The following THOC1 variants were observed in gnomAD, a reference collection of about 807,000 sequenced individuals.
The protein encoded by THOC1 is THO complex 1.
A neutral mutation model predicts 97.3 loss-of-function variants in THOC1; 29 were observed. That is an observed-to-expected ratio of 0.30 (90% CI 0.22 to 0.41). THOC1 has a LOEUF of 0.41. Ranked by LOEUF, THOC1 falls within the 10% of genes least tolerant of loss-of-function variation. The pLI, the probability that THOC1 is intolerant of heterozygous loss-of-function variation, is 1.00. For missense variants in THOC1, 529 were observed against 761.9 expected, an observed-to-expected ratio of 0.69 and a Z score of 3.60; for synonymous variants, 255 against 257.0, an observed-to-expected ratio of 0.99 and a Z score of 0.07.
At chr18:257,980 A>G (rs1236550567) in intron 7 of THOC1, among the ~76,000 whole-genome samples, 12 of 152,182 alleles carry the variant, frequency 7.9e-5, no homozygotes, top group Non-Finnish European at 7.4e-5. Flanking sequence ...TTTACAAACT[A>G]GATGGAAGAA....
chr18:228,845 C>T (rs1476247920), intron 11 of THOC1, among the ~76,000 whole-genome samples: 1 of 152,208 alleles, frequency 6.6e-6, no homozygotes, highest in African/African-American at 2.4e-5. Context: ...TTGTCACCAC[C>T]TTAAACATCT....
chr18:246,318 T>G lies in THOC1; in HGVS notation c.918+6A>C. 1 of 1,538,690 alleles carries G rather than the reference T, an allele frequency of 6.5e-7. No individual in the cohort carries two copies. The highest frequency in any genetic ancestry group is 8.9e-7 in the Non-Finnish European group (1 of 1,127,276). The stretch of plus-strand genomic sequence containing the variant: ...ATTATGCTTAATGAAAAAGAAAAAC[T>G]TATACCTTTTCACTTGTTAAAAATT... On this transcript the variant is annotated splice_donor_region_variant and intron_variant, in intron 11 of 20. Transcript: ENST00000261600.
chr18:240,375 G>T (rs890009172), intron 11 of THOC1, among the ~76,000 whole-genome samples: 1 of 152,146 alleles, frequency 6.6e-6, no homozygotes, highest in East Asian at 1.9e-4. Flanking sequence ...ACACACAGAG[G>T]TTATTCTAAA....
chr18:259,039 T>C (rs552676570), intron 7 of THOC1, 141 bp downstream of exon 7: 1 of 637,638 alleles, frequency 1.6e-6, no homozygotes, highest in South Asian at 2.1e-5. Flanking sequence ...CATTTATAAG[T>C]AAAAGAAAAT....
rs532161287 is a variant in THOC1 at position 255,535 on chromosome 18, G to A, written c.521-1180C>T. Among the ~76,000 whole-genome samples, 32 of 152,312 alleles carry A rather than the reference G, an allele frequency of 2.1e-4. 1 individual carries two copies. In the South Asian group the frequency reaches 5.2e-3, roughly 25 times the overall value. ...TGAGGACACCACAGAAGACAAGTAC[G>A]AAGCTAGCAGAAGTTGGTTTACGAG... On this transcript the variant is annotated intron_variant, in intron 7 of 20. Coordinates refer to ENST00000261600, the MANE Select transcript of THOC1 (RefSeq NM_005131.3).
At chr18:244,701 G>C (rs879600186) in intron 11 of THOC1, 1 of 152,102 alleles carries the variant, frequency 6.6e-6, no homozygotes, top group Non-Finnish European at 1.5e-5. Flanking sequence ...CTGCTTGGCA[G>C]TTGTGACACA....
At position 242,201 on chromosome 18, in the gene THOC1, G is replaced by T. The variant is rs147770653; in HGVS notation, c.918+4123C>A. On this transcript the variant is annotated intron_variant, in intron 11 of 20. Coordinates refer to ENST00000261600, the MANE Select transcript of THOC1 (RefSeq NM_005131.3). This position sits in a 1 kb window ranked among gnomAD's most constrained non-coding sequence, Gnocchi z 4.5. ...TATAAAGTTTATATCATCTGGCTGG[G>T]CGTGGTGGCTCACGCCTGTAATCCC... 0.03 allele frequency among the ~76,000 whole-genome samples: 4,611 copies of T among 151,946 alleles called. 220 individuals carry two copies. Among genetic ancestry groups the T allele is most frequent in the African/African-American group, 0.1 (4,300 of 41,232 alleles).
intron 7 of THOC1, among the ~76,000 whole-genome samples, chr18:258,660 G>A (rs749277522): frequency 1.3e-5 from 2 of 152,112 alleles, no homozygotes; most frequent in Non-Finnish European, 2.9e-5. Flanking sequence ...TTAAAATCTC[G>A]CATATTTGAA....
chr18:247,972 G>A lies in THOC1; in HGVS notation c.678-15C>T, dbSNP rs144966587. On this transcript the variant is annotated splice_polypyrimidine_tract_variant and intron_variant, in intron 9 of 20. Coordinates refer to ENST00000261600, the MANE Select transcript of THOC1 (RefSeq NM_005131.3). The stretch of plus-strand genomic sequence containing the variant: ...TTGGAATAGAGCTAATAAAATAAAC[G>A]TTATATTAAATAAATCATTCAAATT... 499 of 1,368,468 alleles carry A rather than the reference G, an allele frequency of 3.6e-4. 3 individuals carry two copies. In the East Asian group the frequency reaches 9.5e-3, roughly 26 times the overall value. 84.8% of individuals were successfully genotyped at this position (1,368,468 alleles called of 1,614,324 possible).
At chr18:259,555 T>C in intron 6 of THOC1, 127 bp downstream of exon 6, 3 of 779,570 alleles carry the variant, frequency 3.8e-6, no homozygotes, top group Admixed American at 2.9e-5. Flanking sequence ...ACAAATCAGA[T>C]TGTTAGTTAA....
At chr18:232,555 C>T (rs777695022) in intron 11 of THOC1, among the ~76,000 whole-genome samples, 1 of 151,754 alleles carries the variant, frequency 6.6e-6, no homozygotes, top group Non-Finnish European at 1.5e-5. Flanking sequence ...TTTACAAATA[C>T]ATCATTTACA....
At chr18:233,852 T>A (rs1911579886) in intron 11 of THOC1, among the ~76,000 whole-genome samples, 1 of 152,166 alleles carries the variant, frequency 6.6e-6, no homozygotes, top group South Asian at 2.1e-4. Context: ...CTTTTTGAGT[T>A]CCCATGAAAA....
At chr18:248,161 G>A (rs951785307) in intron 9 of THOC1, among the ~76,000 whole-genome samples, 3 of 152,102 alleles carry the variant, frequency 2.0e-5, no homozygotes, top group Non-Finnish European at 4.4e-5. Context: ...ATCTACACTG[G>A]TGGAGCCCCT....
chr18:214,916 C>A lies in THOC1; in HGVS notation c.1684G>T (p.Asp562Tyr). Residue 562 changes from aspartate (D) to tyrosine (Y), a missense_variant, in exon 21 of 21, where the codon GAT (aspartate) becomes TAT (tyrosine). This residue lies in a region of THOC1 where 98 missense variants were observed against 111.9 expected (regional missense o/e 0.88). Transcript: ENST00000261600. ...DALLKENESPDVRRDKPVTGE... is the reference protein window; with the variant it reads ...DALLKENESPYVRRDKPVTGE... ...GTTACAGGTTTGTCTCGCCGAACAT[C>A]AGGACCTAGAAAATGAAGAGAATAT... 3 of 1,613,522 alleles carry A rather than the reference C, an allele frequency of 1.9e-6. No homozygotes were observed. The highest frequency in any genetic ancestry group is 1.7e-6 in the Non-Finnish European group (2 of 1,179,660).
intron 15 of THOC1, among the ~76,000 whole-genome samples, 185 bp downstream of exon 15, chr18:224,739 A>C (rs1442090998): frequency 6.6e-6 from 1 of 152,200 alleles, no homozygotes; most frequent in Non-Finnish European, 1.5e-5. Context: ...GAAATTTATG[A>C]GGTTTAAAAA....
At chr18:237,780 A>T (rs1203686329) in intron 11 of THOC1, among the ~76,000 whole-genome samples, 2 of 152,224 alleles carry the variant, frequency 1.3e-5, no homozygotes, top group African/African-American at 4.8e-5. Context: ...TAACTTACTC[A>T]ATTGAAATAG....
chr18:258,186 G>A (rs748992509), intron 7 of THOC1, among the ~76,000 whole-genome samples: 24 of 151,586 alleles, frequency 1.6e-4, no homozygotes, highest in Admixed American at 3.3e-4. Flanking sequence ...GGAAACAGAA[G>A]ACAAAGTAAA....
intron 11 of THOC1, among the ~76,000 whole-genome samples, chr18:227,179 G>GA (rs1911319459): frequency 6.6e-6 from 1 of 151,958 alleles, no homozygotes; most frequent in Admixed American, 6.6e-5. Context: ...AAATAAAGCA[G>GA]AAATAGAAAA....
rs1442306530 is a variant in THOC1, at chr18:226,864, C to T, written c.956G>A (p.Arg319Gln). Residue 319 changes from arginine to glutamine, a missense_variant, in exon 12 of 21, where the codon CGA becomes CAA. This residue lies in a region of THOC1 where 25 missense variants were observed against 69.5 expected (regional missense o/e 0.36). Coordinates refer to ENST00000261600, the MANE Select transcript of THOC1 (RefSeq NM_005131.3). Reference sequence around the variant, plus strand: ...AATGAGATACTGCAACAGGATGTGTCGACGAAAGTTACTGTCACTCAGTTG... The same window carrying T: ...AATGAGATACTGCAACAGGATGTGTTGACGAAAGTTACTGTCACTCAGTTG... ...DLQLSDSNFR[R>Q]HILLQYLILF... 3.7e-6 allele frequency: 6 copies of T among 1,611,482 alleles called. No homozygotes were observed. The highest frequency in any genetic ancestry group is 1.3e-5 in the African/African-American group (1 of 74,852).
Sources: allele counts gnomAD v4.1 joint callset (sites outside exome capture counted in the v4.1 genomes callset), GRCh38; gene constraint gnomAD v4.1.1; regional missense constraint gnomAD v4.1.1; non-coding constraint Gnocchi (gnomAD v3.1); transcripts MANE v1.5; gene names NCBI Gene and HGNC (gene_info 2026-07-23, HGNC 2026-07-21).